ARL13B: variants seen among roughly 807,000 people sequenced by gnomAD.
ARL13B encodes ADP-ribosylation factor-like protein 13B.
Under a neutral mutation model 56.1 loss-of-function variants are expected in ARL13B, and 36 were observed. The ratio of observed to expected loss-of-function variants is 0.64; its 90% CI spans 0.49 to 0.85. ARL13B has a LOEUF of 0.85. Among genes scored for constraint, ARL13B ranks in the 40% least tolerant of loss-of-function variants. The probability of loss-of-function intolerance (pLI) is 0.00; values close to 1 mark genes in which losing one functional copy is unlikely to be tolerated. For missense variants in ARL13B, 519 were observed against 507.1 expected, an observed-to-expected ratio of 1.02 and a Z score of -0.23; for synonymous variants, 178 against 171.1, an observed-to-expected ratio of 1.04 and a Z score of -0.32.
intron 7 of ARL13B, among the ~76,000 whole-genome samples, chr3:94,047,550 A>G (rs1046314739): frequency 2.0e-5 from 3 of 152,220 alleles, no homozygotes; most frequent in African/African-American, 7.2e-5. Context: ...TATGCACTAT[A>G]TTATTCAACA....
intron 5 of ARL13B, among the ~76,000 whole-genome samples, chr3:94,038,971 C>G (rs2076816557): frequency 6.6e-6 from 1 of 152,080 alleles, no homozygotes; most frequent in Non-Finnish European, 1.5e-5. Flanking sequence ...CCACTGAACA[C>G]TATTATGGAA....
chr3:94,047,721 ACGT>A (rs1295050544), intron 7 of ARL13B: 2 of 152,136 alleles, frequency 1.3e-5, no homozygotes, highest in African/African-American at 4.8e-5. Flanking sequence ...CTGTGCTTTA[ACGT>A]GACCCTGAAC....
At chr3:94,042,875 C>T in intron 6 of ARL13B, 140 bp from the exon 7 acceptor site, 1 of 673,216 alleles carries the variant, frequency 1.5e-6, no homozygotes, top group Non-Finnish European at 2.5e-6. Flanking sequence ...ATGATGTATT[C>T]ATGAAATCAT....
chr3:94,043,534 GCC>G (rs2076902436), intron 7 of ARL13B, among the ~76,000 whole-genome samples: 1 of 13,354 alleles, frequency 7.5e-5, no homozygotes, highest in Non-Finnish European at 1.5e-4. Flanking sequence ...CCTTGGAATA[GCC>G]CTCCCCCTCC....
At chr3:94,042,357 A>G (rs2076877842) in intron 6 of ARL13B, among the ~76,000 whole-genome samples, 1 of 152,164 alleles carries the variant, frequency 6.6e-6, no homozygotes, top group South Asian at 2.1e-4. Context: ...AATTTAATCT[A>G]AAAAAATTAA....
At chr3:93,991,834 T>A (rs2075882237) in intron 1 of ARL13B, among the ~76,000 whole-genome samples, 1 of 152,266 alleles carries the variant, frequency 6.6e-6, no homozygotes, top group African/African-American at 2.4e-5. Flanking sequence ...GGCTTTGCAG[T>A]AATCCATGCT....
intron 6 of ARL13B, among the ~76,000 whole-genome samples, chr3:94,042,080 C>T (rs1003788453): frequency 1.3e-5 from 2 of 151,948 alleles, no homozygotes; most frequent in African/African-American, 4.8e-5. Context: ...TAAAATAATT[C>T]AATAATAGTT....
At chr3:94,046,576 A>G (rs1187520699) in intron 7 of ARL13B, among the ~76,000 whole-genome samples, 1 of 151,826 alleles carries the variant, frequency 6.6e-6, no homozygotes, top group African/African-American at 2.4e-5. Context: ...TTATCTAGTC[A>G]CTTGTTGGTG....
chr3:94,046,602 A>G (rs957550770), intron 7 of ARL13B, among the ~76,000 whole-genome samples: 6 of 152,078 alleles, frequency 3.9e-5, no homozygotes, highest in Non-Finnish European at 8.8e-5. Context: ...TCAGGTGTAT[A>G]CTGTTTTGGC....
chr3:93,981,489 G>GA (rs937054308), intron 1 of ARL13B, among the ~76,000 whole-genome samples: 3 of 151,818 alleles, frequency 2.0e-5, no homozygotes, highest in South Asian at 2.1e-4. Flanking sequence ...GTCTAGATTG[G>GA]AAAAAAAGTA....
intron 1 of ARL13B, 71 bp downstream of exon 1, chr3:93,980,553 C>T (rs1240116918): frequency 1.9e-6 from 3 of 1,581,988 alleles, no homozygotes; most frequent in East Asian, 2.2e-5. Context: ...CGAGGCGCCG[C>T]CTTTTCCCCG....
rs1455821277 is a variant in ARL13B, at chr3:94,054,528, A to G, written c.*1265A>G. 7.7e-6 allele frequency: 3 copies of G among 388,236 alleles called. No individual in the cohort carries two copies. The highest frequency in any genetic ancestry group is 4.0e-5 in the South Asian group (2 of 50,094). 24.0% of individuals were successfully genotyped at this position (388,236 alleles called of 1,614,324 possible). A position where few individuals can be genotyped will look rare whatever the true frequency, so the allele number is the denominator to read the frequency against. The stretch of plus-strand genomic sequence containing the variant: ...AAATAGTATAAACAGAATGATTTTT[A>G]TACCACCTTGTTAAGATTGGTGCTT... On this transcript the variant is annotated 3_prime_UTR_variant, in exon 10 of 10. Transcript: ENST00000394222.
chr3:94,051,170 A>G (rs960378180), intron 9 of ARL13B, among the ~76,000 whole-genome samples: 7 of 152,118 alleles, frequency 4.6e-5, no homozygotes, highest in Admixed American at 3.9e-4. Flanking sequence ...ACAAGGAGTT[A>G]TAATAAAAAG....
intron 2 of ARL13B, among the ~76,000 whole-genome samples, chr3:94,000,211 T>C (rs189262273): frequency 2.6e-5 from 4 of 152,322 alleles, no homozygotes; most frequent in Admixed American, 2.0e-4. Context: ...ATTGTTAGTT[T>C]GAAATTGGCC....
chr3:94,032,738 C>T (rs1222206334), intron 3 of ARL13B, among the ~76,000 whole-genome samples: 2 of 152,106 alleles, frequency 1.3e-5, no homozygotes, highest in South Asian at 2.1e-4. Flanking sequence ...CCTTGTGATC[C>T]GCCCGCCTCG....
intron 3 of ARL13B, among the ~76,000 whole-genome samples, chr3:94,016,471 A>G (rs2076335322): frequency 1.3e-5 from 2 of 152,194 alleles, no homozygotes; most frequent in Admixed American, 1.3e-4. Context: ...GTAGGGATTC[A>G]AATATTAAAA....
At chr3:93,989,279 A>G (rs1281750564) in intron 1 of ARL13B, among the ~76,000 whole-genome samples, 17 of 152,196 alleles carry the variant, frequency 1.1e-4, no homozygotes, top group Admixed American at 1.1e-3. Context: ...TTTACTCAGC[A>G]AATGGGGTTC....
At position 94,055,170 on chromosome 3, in the gene ARL13B, G is replaced by C; in HGVS notation, c.*1907G>C. 1 of 359,564 alleles carries C rather than the reference G, an allele frequency of 2.8e-6. No individual in the cohort carries two copies. Among genetic ancestry groups the C allele is most frequent in the Non-Finnish European group, 5.4e-6 (1 of 186,726 alleles). 22.3% of individuals were successfully genotyped at this position (359,564 alleles called of 1,614,324 possible). On this transcript the variant is annotated 3_prime_UTR_variant, in exon 10 of 10. Transcript: ENST00000394222. ...TTAAAAACATTTTAAAAAATGTTTT[G>C]TAAATCCAGGTGTATTTTAACAATT...
chr3:94,043,301 C>T, intron 7 of ARL13B, 61 bp downstream of exon 7: 1 of 1,389,000 alleles, frequency 7.2e-7, no homozygotes, highest in East Asian at 2.5e-5. Context: ...ACTTATACTT[C>T]ATCTCATTTT....
Sources: gnomAD v4.1 joint callset for allele counts (sites outside exome capture counted in the v4.1 genomes callset) on GRCh38, gnomAD v4.1.1 for gene constraint, MANE v1.5 for transcripts, NCBI Gene and HGNC (gene_info 2026-07-23, HGNC 2026-07-21) for gene names.